The following VPS13B variants were observed in gnomAD, a reference collection of about 807,000 sequenced individuals.
VPS13B encodes the protein vacuolar protein sorting 13 homolog B.
Under a neutral mutation model 426.4 loss-of-function variants are expected in VPS13B, and 285 were observed. The observed-to-expected ratio is 0.67, with a 90% CI of 0.61 to 0.74. The LOEUF is 0.74. Among genes scored for constraint, VPS13B ranks in the 30% least tolerant of loss-of-function variants. VPS13B has a pLI of 0.00. For synonymous variants in VPS13B, 1,676 were observed against 1,676.4 expected, an observed-to-expected ratio of 1.00 and a Z score of 0.01; for missense variants, 4,537 against 4,782.6, an observed-to-expected ratio of 0.95 and a Z score of 1.51.
At chr8:99,611,168 T>A (rs1438698062) in intron 33 of VPS13B, among the ~76,000 whole-genome samples, 2 of 152,204 alleles carry the variant, frequency 1.3e-5, no homozygotes, top group African/African-American at 4.8e-5. Context: ...CTCTTACTGC[T>A]GCAAACATAT....
rs1287202922 is a variant in VPS13B, at chr8:99,818,478, T to C, written c.8389T>C (p.Tyr2797His). The C allele has an allele frequency of 2.5e-6, 4 of 1,614,100 alleles. No homozygotes were observed. The highest frequency in any genetic ancestry group is 1.3e-5 in the African/African-American group (1 of 75,062). Residue 2797 changes from tyrosine (Y) to histidine (H), a missense_variant, in exon 46 of 62, where the codon TAT becomes CAT. Physicochemically the swap from Tyr to His is moderately conservative, Grantham distance 83. This residue lies in a region of VPS13B where 4,311 missense variants were observed against 4,474.3 expected (regional missense o/e 0.96). Transcript: ENST00000357162. ...GCCATCTTCAAACAGTTCCATTATT[T>C]ATGTCTGGTGCACAGTTTTGACTTT... ...QVPSSNSSII[Y>H]VWCTVLTLEP...
At chr8:99,335,065 T>G (rs1187966795) in intron 19 of VPS13B, among the ~76,000 whole-genome samples, 2 of 152,214 alleles carry the variant, frequency 1.3e-5, no homozygotes, top group Non-Finnish European at 2.9e-5. Flanking sequence ...GAGATTCAAC[T>G]TCTTCCTGGT....
intron 31 of VPS13B, among the ~76,000 whole-genome samples, chr8:99,574,197 T>G (rs949532551): frequency 3.3e-5 from 5 of 152,206 alleles, no homozygotes; most frequent in Non-Finnish European, 7.3e-5. Flanking sequence ...AAGGAAATTT[T>G]GGGCTGAGAG....
intron 16 of VPS13B, among the ~76,000 whole-genome samples, chr8:99,180,741 T>A (rs1812904232): frequency 6.6e-6 from 1 of 152,118 alleles, no homozygotes; most frequent in Non-Finnish European, 1.5e-5. Context: ...AAGTCAAGTG[T>A]GACTGCAACA....
chr8:99,391,807 A>G, intron 21 of VPS13B, 103 bp downstream of exon 21: 4 of 1,427,314 alleles, frequency 2.8e-6, no homozygotes, highest in Non-Finnish European at 3.9e-6. Flanking sequence ...CATGAGACTC[A>G]TTGAGTGGAG....
intron 19 of VPS13B, among the ~76,000 whole-genome samples, chr8:99,326,452 C>CTTTTTCTTTTTTTTT (rs1810269679): frequency 3.1e-5 from 1 of 32,518 alleles, no homozygotes; most frequent in Non-Finnish European, 5.2e-5. Flanking sequence ...CTCTAGGTAG[C>CTTTTTCTTTTTTTTT]TTTTTTTTTT....
In VPS13B at chr8:99,111,287, T is replaced by A; in HGVS notation, c.762+8T>A. 6.3e-7 allele frequency: 1 copy of A among 1,596,164 alleles called. No individual in the cohort carries two copies. Among genetic ancestry groups the A allele is most frequent in the Non-Finnish European group, 8.5e-7 (1 of 1,172,088 alleles). On this transcript the variant is annotated splice_region_variant and intron_variant, in intron 6 of 61. Coordinates refer to ENST00000357162, the MANE Select transcript of VPS13B (RefSeq NM_152564.5). ...ATGCCATCTGTTATTAAAGTAGGTA[T>A]CTCTTTTTTTTGCAGTTAAGTTGCA... is the stretch of plus-strand genomic sequence containing the variant.
At chr8:99,532,410 T>A (rs1168749473) in intron 30 of VPS13B, among the ~76,000 whole-genome samples, 1 of 152,164 alleles carries the variant, frequency 6.6e-6, no homozygotes, top group Non-Finnish European at 1.5e-5. Flanking sequence ...TTGAAAGACA[T>A]CTTTTATAAG....
rs534539928 is a variant in VPS13B, at chr8:99,876,776, T to C, written c.*1110T>C. 28 of 152,274 alleles carry C rather than the reference T, an allele frequency of 1.8e-4. No homozygotes were observed. The highest frequency in any genetic ancestry group is 6.7e-4 in the African/African-American group (28 of 41,568). The allele number at this position is 152,274 out of a possible 1,614,324, so 9.4% of individuals were successfully genotyped here. On this transcript the variant is annotated 3_prime_UTR_variant, in exon 62 of 62. Transcript: ENST00000357162. ...CTTAGAGCATGTTTGCTGATTGATA[T>C]TACATTTAAACTTGGGGCTACAGCT...
chr8:99,581,703 T>G (rs1034173443), intron 33 of VPS13B, among the ~76,000 whole-genome samples: 5 of 152,180 alleles, frequency 3.3e-5, no homozygotes, highest in African/African-American at 1.2e-4. Flanking sequence ...ACGTTAATAC[T>G]AAAAAAATTT....
intron 15 of VPS13B, among the ~76,000 whole-genome samples, chr8:99,161,380 C>T (rs2132637649): frequency 6.6e-6 from 1 of 152,208 alleles, no homozygotes; most frequent in African/African-American, 2.4e-5. Flanking sequence ...TGAAGTGAGT[C>T]TCTATACTCA....
chr8:99,038,628 T>C, intron 3 of VPS13B, 62 bp downstream of exon 3: 1 of 1,485,278 alleles, frequency 6.7e-7, no homozygotes, highest in African/African-American at 1.4e-5. Context: ...TGACATTTCT[T>C]TACCTTTTCA....
chr8:99,274,512 T>G (rs1253320853), intron 18 of VPS13B, among the ~76,000 whole-genome samples, 180 bp downstream of exon 18: 2 of 151,948 alleles, frequency 1.3e-5, no homozygotes, highest in African/African-American at 2.4e-5. Context: ...CTTTAACAAA[T>G]TTTTATTTAG....
chr8:99,475,607 A>G (rs937896525), intron 24 of VPS13B, among the ~76,000 whole-genome samples: 1 of 152,226 alleles, frequency 6.6e-6, no homozygotes, highest in African/African-American at 2.4e-5. Context: ...TACTTGGTAT[A>G]TTCTCTAGCT....
At chr8:99,322,994 T>G (rs542038505) in intron 19 of VPS13B, among the ~76,000 whole-genome samples, 1 of 152,326 alleles carries the variant, frequency 6.6e-6, no homozygotes, top group Admixed American at 6.5e-5. Flanking sequence ...CAGGACATAG[T>G]TATCCAACAT....
intron 56 of VPS13B, among the ~76,000 whole-genome samples, chr8:99,856,904 C>T (rs1328488236): frequency 6.6e-6 from 1 of 151,934 alleles, no homozygotes; most frequent in Non-Finnish European, 1.5e-5. Context: ...GTGGGAGAGG[C>T]AGAATAAAAA....
At chr8:99,308,470 G>C (rs1820760616) in intron 19 of VPS13B, among the ~76,000 whole-genome samples, 1 of 152,020 alleles carries the variant, frequency 6.6e-6, no homozygotes, top group Non-Finnish European at 1.5e-5. Flanking sequence ...GCGAATGATG[G>C]TTTCCAGCTT....
chr8:99,251,749 G>A (rs967440656), intron 17 of VPS13B, among the ~76,000 whole-genome samples: 1 of 152,052 alleles, frequency 6.6e-6, no homozygotes, highest in South Asian at 2.1e-4. Context: ...TAGAAGAGAT[G>A]TTAATTCTTT....
At chr8:99,449,537 A>T (rs557921847) in intron 23 of VPS13B, among the ~76,000 whole-genome samples, 9 of 152,306 alleles carry the variant, frequency 5.9e-5, no homozygotes, top group African/African-American at 2.2e-4. Flanking sequence ...ATGAAGTGGG[A>T]TCTGCATATA....
Sources: allele counts gnomAD v4.1 joint callset (sites outside exome capture counted in the v4.1 genomes callset), GRCh38; gene constraint gnomAD v4.1.1; regional missense constraint gnomAD v4.1.1; transcripts MANE v1.5; gene names NCBI Gene and HGNC (gene_info 2026-07-23, HGNC 2026-07-21).